Variants in PIP4K2A observed in about 807,000 individuals in gnomAD.
The protein encoded by PIP4K2A is phosphatidylinositol-5-phosphate 4-kinase type 2 alpha.
PIP4K2A carries 14 observed loss-of-function variants against 42.9 expected under a neutral mutation model. The observed-to-expected ratio is 0.33, with a 90% CI of 0.22 to 0.51. The LOEUF is 0.51. PIP4K2A is among the 20% of genes least tolerant of loss of function. The pLI is 0.97. For synonymous variants in PIP4K2A, 192 were observed against 192.2 expected (o/e 1.00, Z 0.01); for missense variants, 434 against 519.8 (o/e 0.83, Z 1.61).
At chr10:22,711,753 G>A (rs1833914830) in intron 1 of PIP4K2A, among the ~76,000 whole-genome samples, 1 of 152,188 alleles carries the variant, frequency 6.6e-6, no homozygotes, top group African/African-American at 2.4e-5. Context: ...AAACTTTGGT[G>A]CACAGAAGGT....
chr10:22,643,424 T>G (rs1370422113), intron 1 of PIP4K2A, among the ~76,000 whole-genome samples: 1 of 152,132 alleles, frequency 6.6e-6, no homozygotes, highest in East Asian at 1.9e-4. Flanking sequence ...GCAGAAAAAG[T>G]TTGCTCACCC....
intron 1 of PIP4K2A, among the ~76,000 whole-genome samples, chr10:22,692,603 C>T (rs528599809): frequency 1.2e-4 from 18 of 152,268 alleles, no homozygotes; most frequent in African/African-American, 4.1e-4. Flanking sequence ...TTTTCCTAGA[C>T]GTTGTCTTTT....
At chr10:22,591,582 G>C (rs745856928) in intron 4 of PIP4K2A, 47 bp downstream of exon 4, 1 of 1,428,590 alleles carries the variant, frequency 7.0e-7, no homozygotes, top group Non-Finnish European at 9.7e-7. Flanking sequence ...AAATCGCTAC[G>C]CATGTTAATC....
rs560898609 is a variant in PIP4K2A, at chr10:22,597,646, G to A, written c.340-5865C>T. Among the ~76,000 whole-genome samples, 22 of 151,412 alleles carry A rather than the reference G, an allele frequency of 1.5e-4. No individual in the cohort carries two copies. The East Asian group carries it at 4.3e-3, about 29-fold the overall frequency. ...TGCACTCTCTATACTACTAAGCTGG[G>A]AGGATTAAAAAAAACGAGAAGGGAA... On this transcript the variant is annotated intron_variant, in intron 3 of 9. Coordinates refer to ENST00000376573, the MANE Select transcript of PIP4K2A (RefSeq NM_005028.5).
At chr10:22,680,577 A>G (rs1378351595) in intron 1 of PIP4K2A, among the ~76,000 whole-genome samples, 1 of 152,154 alleles carries the variant, frequency 6.6e-6, no homozygotes, top group African/African-American at 2.4e-5. Context: ...GCTAGCATAC[A>G]TCCCTAGTCC....
chr10:22,618,735 G>A (rs181573044), intron 1 of PIP4K2A, among the ~76,000 whole-genome samples: 2 of 152,282 alleles, frequency 1.3e-5, no homozygotes, highest in East Asian at 3.9e-4. Flanking sequence ...CAGCTTCCAG[G>A]GTTAGAATCA....
chr10:22,671,745 T>TACACAAACACACACACAC (rs1839454277), intron 1 of PIP4K2A, among the ~76,000 whole-genome samples: 1 of 144,582 alleles, frequency 6.9e-6, no homozygotes, highest in Non-Finnish European at 1.5e-5. Context: ...ACTTGGAAAA[T>TACACAAACACACACACAC]ACACACACAC....
At chr10:22,558,623 T>A (rs2130774480) in intron 6 of PIP4K2A, among the ~76,000 whole-genome samples, 1 of 152,332 alleles carries the variant, frequency 6.6e-6, no homozygotes, top group South Asian at 2.1e-4. Context: ...AAGCAGAATG[T>A]CTATACAAGT....
At chr10:22,542,183 G>A (rs1340635399) in intron 7 of PIP4K2A, 136 bp from the exon 8 acceptor site, 13 of 678,024 alleles carry the variant, frequency 1.9e-5, no homozygotes, top group Non-Finnish European at 3.0e-5. Context: ...CCTCCTTCAC[G>A]ATGCTCTTAC....
chr10:22,623,321 C>T (rs571829134), intron 1 of PIP4K2A, among the ~76,000 whole-genome samples: 11 of 152,196 alleles, frequency 7.2e-5, no homozygotes, highest in African/African-American at 2.4e-4. Flanking sequence ...TTCTTGATCA[C>T]TTGTTATTTT....
chr10:22,570,137 T>A (rs1836950486), intron 5 of PIP4K2A, among the ~76,000 whole-genome samples: 1 of 151,812 alleles, frequency 6.6e-6, no homozygotes, highest in South Asian at 2.1e-4. Context: ...CACTTACACA[T>A]CAGGAGAATG....
At chr10:22,541,725 G>C in intron 8 of PIP4K2A, 79 bp downstream of exon 8, 1 of 1,462,142 alleles carries the variant, frequency 6.8e-7, no homozygotes, top group Non-Finnish European at 9.1e-7. Context: ...TCATAACTGG[G>C]GTAGTGCTTA....
At chr10:22,545,684 A>G (rs1836243171) in intron 7 of PIP4K2A, among the ~76,000 whole-genome samples, 1 of 152,258 alleles carries the variant, frequency 6.6e-6, no homozygotes, top group African/African-American at 2.4e-5. Context: ...AGAAAATTGC[A>G]GTCACAATGG....
At chr10:22,664,142 C>CACATAT (rs1839285137) in intron 1 of PIP4K2A, among the ~76,000 whole-genome samples, 1 of 27,960 alleles carries the variant, frequency 3.6e-5, no homozygotes, top group Non-Finnish European at 5.6e-5. Context: ...TATATATATA[C>CACATAT]ATATATATAC....
chr10:22,568,538 C>G (rs1442543143), intron 5 of PIP4K2A, among the ~76,000 whole-genome samples: 1 of 152,214 alleles, frequency 6.6e-6, no homozygotes, highest in African/African-American at 2.4e-5. Flanking sequence ...GTGCCAGGCC[C>G]TATGCTGAGT....
chr10:22,608,056 A>G (rs1837947548), intron 2 of PIP4K2A, 33 bp from the exon 3 acceptor site: 2 of 1,424,662 alleles, frequency 1.4e-6, no homozygotes, highest in African/African-American at 1.4e-5. Flanking sequence ...TAAAGCTCAG[A>G]GAGAGTCAAT....
chr10:22,622,306 G>A (rs1838348727), intron 1 of PIP4K2A, among the ~76,000 whole-genome samples: 1 of 152,190 alleles, frequency 6.6e-6, no homozygotes, highest in Non-Finnish European at 1.5e-5. Context: ...GCAGAAAGAC[G>A]GTGCGCTGCC....
At chr10:22,614,605 G>C (rs1474136456) in intron 1 of PIP4K2A, among the ~76,000 whole-genome samples, 1 of 152,146 alleles carries the variant, frequency 6.6e-6, no homozygotes, top group East Asian at 1.9e-4. Flanking sequence ...ACTTAAAAGA[G>C]AAGCTTTTAA....
chr10:22,616,796 T>C (rs1384356246), intron 1 of PIP4K2A, among the ~76,000 whole-genome samples: 1 of 152,208 alleles, frequency 6.6e-6, no homozygotes, highest in Admixed American at 6.5e-5. Flanking sequence ...AGCTGTGGTA[T>C]AATAGCACAA....
Sources: gnomAD v4.1 joint callset for allele counts (sites outside exome capture counted in the v4.1 genomes callset) on GRCh38, gnomAD v4.1.1 for gene constraint, MANE v1.5 for transcripts, NCBI Gene and HGNC (gene_info 2026-07-23, HGNC 2026-07-21) for gene names.